Variants in EFHC2 observed in about 807,000 individuals in gnomAD.
EFHC2 encodes EF-hand domain-containing family member C2.
Under a neutral mutation model 52.7 loss-of-function variants are expected in EFHC2, and 18 were observed. The observed-to-expected ratio is 0.34, with a 90% CI of 0.24 to 0.51. The LOEUF (loss-of-function observed/expected upper bound fraction) is 0.51, where lower values mean the gene tolerates loss of function less well. Ranked by LOEUF, EFHC2 falls within the 20% of genes least tolerant of loss-of-function variation. EFHC2 has a pLI of 0.97. For missense variants in EFHC2, 513 were observed against 562.5 expected (o/e 0.91, Z 0.89); for synonymous variants, 203 against 204.1 (o/e 0.99, Z 0.04).
chrX:44,276,918 G>A (rs912755197), intron 2 of EFHC2, among the ~76,000 whole-genome samples: 1 of 111,524 alleles, frequency 9.0e-6, no homozygotes, highest in Non-Finnish European at 1.9e-5. Flanking sequence ...TGGCCAATAC[G>A]TGAGTCAGAA....
intron 11 of EFHC2, among the ~76,000 whole-genome samples, chrX:44,180,214 G>A (rs1170216027): frequency 9.0e-6 from 1 of 111,711 alleles, no homozygotes; most frequent in Non-Finnish European, 1.9e-5. Flanking sequence ...GATTTTTTAT[G>A]GACCTTTATT....
chrX:44,215,330 T>C (rs768190647), intron 11 of EFHC2, among the ~76,000 whole-genome samples: 1 of 111,516 alleles, frequency 9.0e-6, no homozygotes, highest in South Asian at 3.7e-4. Flanking sequence ...TTGCAAACTC[T>C]AGAGCAACCA....
intron 1 of EFHC2, among the ~76,000 whole-genome samples, chrX:44,320,537 C>T (rs1422558864): frequency 9.0e-6 from 1 of 111,516 alleles, no homozygotes; most frequent in Non-Finnish European, 1.9e-5. Flanking sequence ...TCCATATTCA[C>T]GTGGGTCCTA....
intron 4 of EFHC2, among the ~76,000 whole-genome samples, chrX:44,260,136 T>C (rs760993440): frequency 9.0e-6 from 1 of 111,404 alleles, no homozygotes; most frequent in South Asian, 3.8e-4. Flanking sequence ...CGGGATCGAT[T>C]CGATAAACAC....
intron 11 of EFHC2, among the ~76,000 whole-genome samples, chrX:44,204,580 C>T (rs1276277208): frequency 9.0e-6 from 1 of 111,431 alleles, no homozygotes; most frequent in Non-Finnish European, 1.9e-5. Flanking sequence ...ACAGGAATTT[C>T]AAAATATAGT....
chrX:44,332,746 A>G (rs2038095445), intron 1 of EFHC2, among the ~76,000 whole-genome samples: 1 of 111,257 alleles, frequency 9.0e-6, no homozygotes, highest in Non-Finnish European at 1.9e-5. Flanking sequence ...CTGGATGCCA[A>G]TAAGAGAGAG....
At chrX:44,295,616 G>C (rs1374092782) in intron 2 of EFHC2, among the ~76,000 whole-genome samples, 1 of 110,824 alleles carries the variant, frequency 9.0e-6, no homozygotes, top group Non-Finnish European at 1.9e-5. Flanking sequence ...AGGCAGGGAT[G>C]CCTTCAACGG....
At chrX:44,203,843 G>A (rs1258138335) in intron 11 of EFHC2, among the ~76,000 whole-genome samples, 1 of 110,609 alleles carries the variant, frequency 9.0e-6, no homozygotes, top group Non-Finnish European at 1.9e-5. Context: ...CTCCTACCTT[G>A]GCCTCCTAAA....
At chrX:44,267,899 CA>C (rs765153521) in intron 3 of EFHC2, among the ~76,000 whole-genome samples, 1 of 112,095 alleles carries the variant, frequency 8.9e-6, no homozygotes, top group African/African-American at 3.2e-5. Context: ...ATCTGCAGTC[CA>C]AATAGACCTT....
rs774647138 is a variant in EFHC2 at position 44,168,502 on chromosome X, G to A, written c.2043-4475C>T. Among the ~76,000 whole-genome samples, 8 of 108,650 alleles carry A rather than the reference G, an allele frequency of 7.4e-5. No individual in the cohort carries two copies. In the South Asian group the frequency reaches 1.2e-3, roughly 17 times the overall value. The allele number at this position is 108,650 out of a possible 115,157, so 94.3% of individuals were successfully genotyped here. A position where few individuals can be genotyped will look rare whatever the true frequency, so the allele number is the denominator to read the frequency against. On this transcript the variant is annotated intron_variant, in intron 13 of 14. Coordinates refer to ENST00000420999, the MANE Select transcript of EFHC2 (RefSeq NM_025184.4). ...AGCCGAGATTGCGCCACTACACTCCGGCCTGGGCGACAGAGCGAGACTCCG... is the reference window on the plus strand; with the variant it reads ...AGCCGAGATTGCGCCACTACACTCCAGCCTGGGCGACAGAGCGAGACTCCG...
chrX:44,209,016 AATCTGT>A (rs1168939346), intron 11 of EFHC2, among the ~76,000 whole-genome samples: 2 of 85,928 alleles, frequency 2.3e-5, no homozygotes, highest in East Asian at 8.5e-4. Flanking sequence ...GTTGATTGGC[AATCTGT>A]GTGTGTGTGT....
chrX:44,168,257 G>C (rs2147272478), intron 13 of EFHC2, among the ~76,000 whole-genome samples: 1 of 112,244 alleles, frequency 8.9e-6, no homozygotes, highest in East Asian at 2.8e-4. Context: ...CGGTGTCCGG[G>C]CGTGGTGGCT....
chrX:44,308,337 C>CT (rs2037921009), intron 2 of EFHC2, among the ~76,000 whole-genome samples: 1 of 109,472 alleles, frequency 9.1e-6, no homozygotes, highest in African/African-American at 3.3e-5. Context: ...CATATAAGTG[C>CT]TTTTAAAGCA....
At chrX:44,289,677 C>CTTTTTTTTTT (rs1207899077) in intron 2 of EFHC2, among the ~76,000 whole-genome samples, 33 of 72,282 alleles carry the variant, frequency 4.6e-4, no homozygotes, top group East Asian at 1.8e-3. Flanking sequence ...TCTTTTCTTT[C>CTTTTTTTTTT]TTTTTTTTTT....
rs772351468 is a variant in EFHC2, at chrX:44,232,607, T to G, written c.1494A>C (p.Glu498Asp). 8.3e-7 allele frequency: 1 copy of G among 1,198,055 alleles called. No individual in the cohort carries two copies. Among genetic ancestry groups the G allele is most frequent in the East Asian group, 3.0e-5 (1 of 33,495 alleles). Residue 498 changes from glutamate (E) to aspartate (D), a missense_variant, in exon 10 of 15, where the codon GAA becomes GAC. Transcript: ENST00000420999. ...KKPGQEVFKSELSEYIKAEEL... is the reference protein window; with the variant it reads ...KKPGQEVFKSDLSEYIKAEEL... ...CCTCGGCCTTGATATATTCAGATAG[T>G]TCACTTTTAAAGACTTCTTGTCCAG...
At chrX:44,343,473 T>A in intron 1 of EFHC2, 74 bp downstream of exon 1, 1 of 1,142,809 alleles carries the variant, frequency 8.8e-7, no homozygotes, top group African/African-American at 1.8e-5. Flanking sequence ...TCTGCGGAGG[T>A]GGCCACGCCA....
At chrX:44,265,345 C>T (rs941520138) in intron 3 of EFHC2, among the ~76,000 whole-genome samples, 2 of 111,195 alleles carry the variant, frequency 1.8e-5, no homozygotes, top group Non-Finnish European at 3.8e-5. Flanking sequence ...GATCATGGAT[C>T]AATGCAGCCT....
chrX:44,241,890 A>G (rs1305888840), intron 8 of EFHC2, among the ~76,000 whole-genome samples: 1 of 112,190 alleles, frequency 8.9e-6, no homozygotes, highest in East Asian at 2.9e-4. Flanking sequence ...AACATAGACT[A>G]GAGATAATAT....
At chrX:44,291,637 C>T (rs1428051857) in intron 2 of EFHC2, among the ~76,000 whole-genome samples, 1 of 112,330 alleles carries the variant, frequency 8.9e-6, no homozygotes, top group African/African-American at 3.2e-5. Context: ...TAATTAACTA[C>T]ATCACTGGTA....
Sources: allele counts gnomAD v4.1 joint callset (sites outside exome capture counted in the v4.1 genomes callset), GRCh38; gene constraint gnomAD v4.1.1; transcripts MANE v1.5; gene names NCBI Gene and HGNC (gene_info 2026-07-23, HGNC 2026-07-21).